Variants in ERBB4 observed in about 807,000 individuals in gnomAD.
ERBB4 encodes the protein erb-b2 receptor tyrosine kinase 4, also known as receptor tyrosine-protein kinase erbB-4.
A neutral mutation model predicts 158.0 loss-of-function variants in ERBB4; 42 were observed. The observed-to-expected ratio is 0.27, with a 90% CI of 0.21 to 0.34. The LOEUF is 0.34. ERBB4 is among the 10% of genes least tolerant of loss of function. The probability of loss-of-function intolerance (pLI) is 1.00; values close to 1 mark genes in which losing one functional copy is unlikely to be tolerated. For synonymous variants in ERBB4, 583 were observed against 558.7 expected (o/e 1.04, Z -0.61); for missense variants, 1,333 against 1,624.1 (o/e 0.82, Z 3.08).
At chr2:212,392,457 T>C (rs2090905931) in intron 1 of ERBB4, among the ~76,000 whole-genome samples, 2 of 152,124 alleles carry the variant, frequency 1.3e-5, no homozygotes, top group South Asian at 2.1e-4. Context: ...AGGAATTGTA[T>C]GTCTTAACTC....
At chr2:212,414,893 GTTAGACAT>G (rs1431651562) in intron 1 of ERBB4, among the ~76,000 whole-genome samples, 1 of 152,156 alleles carries the variant, frequency 6.6e-6, no homozygotes, top group Non-Finnish European at 1.5e-5. Context: ...TTTCTGTCTG[GTTAGACAT>G]TTGGCTTGAA....
chr2:212,484,088 T>G (rs1432311035), intron 1 of ERBB4, among the ~76,000 whole-genome samples: 1 of 152,210 alleles, frequency 6.6e-6, no homozygotes, highest in Admixed American at 6.5e-5. Flanking sequence ...GGTATTAATG[T>G]TCTTTTACAT....
intron 5 of ERBB4, among the ~76,000 whole-genome samples, chr2:211,726,870 A>G (rs533046156): frequency 2.0e-5 from 3 of 152,164 alleles, no homozygotes; most frequent in African/African-American, 7.2e-5. Flanking sequence ...CCATAAGTTG[A>G]CCACCATCTC....
chr2:212,320,920 G>A (rs4630706), intron 1 of ERBB4, among the ~76,000 whole-genome samples: 48,845 of 149,540 alleles, frequency 0.33, 10,670 homozygotes, highest in East Asian at 0.71. Context: ...GTAAGAAAAC[G>A]AAACAAAAGA....
At chr2:212,307,436 C>T (rs1349173073) in intron 1 of ERBB4, among the ~76,000 whole-genome samples, 3 of 150,368 alleles carry the variant, frequency 2.0e-5, no homozygotes, top group African/African-American at 7.3e-5. Context: ...CTTTGAATTG[C>T]ATAATAAAAT....
chr2:211,444,223 TA>T (rs1261727835), intron 20 of ERBB4, among the ~76,000 whole-genome samples: 1 of 95,724 alleles, frequency 1.0e-5, no homozygotes, highest in Non-Finnish European at 2.1e-5. Flanking sequence ...CTCATAGTAA[TA>T]TAATTAGGAA....
chr2:212,520,422 G>A (rs1692090714), intron 1 of ERBB4, among the ~76,000 whole-genome samples: 1 of 151,800 alleles, frequency 6.6e-6, no homozygotes, highest in African/African-American at 2.4e-5. Context: ...AAAAATTTCG[G>A]TAATTCAACT....
intron 16 of ERBB4, among the ~76,000 whole-genome samples, chr2:211,647,761 A>T (rs542171453): frequency 6.6e-6 from 1 of 151,830 alleles, no homozygotes; most frequent in East Asian, 1.9e-4. Flanking sequence ...ATTCACATTG[A>T]TAATACTAAA....
At chr2:211,615,012 G>T (rs2069333708) in intron 19 of ERBB4, among the ~76,000 whole-genome samples, 1 of 152,034 alleles carries the variant, frequency 6.6e-6, no homozygotes, top group Admixed American at 6.6e-5. Flanking sequence ...TCTCACTGTG[G>T]TAAATCTGGT....
intron 3 of ERBB4, among the ~76,000 whole-genome samples, chr2:211,942,814 C>T (rs551666818): frequency 2.6e-5 from 4 of 152,160 alleles, no homozygotes; most frequent in East Asian, 3.9e-4. Flanking sequence ...TCCCAAATAT[C>T]GCCTTCTCTA....
chr2:212,264,869 T>C (rs1355762291), intron 1 of ERBB4, among the ~76,000 whole-genome samples: 1 of 152,102 alleles, frequency 6.6e-6, no homozygotes, highest in Non-Finnish European at 1.5e-5. Context: ...TACAGGCTCA[T>C]TATAAAGTCA....
intron 1 of ERBB4, among the ~76,000 whole-genome samples, chr2:212,335,649 A>G (rs2088401039): frequency 6.6e-6 from 1 of 152,038 alleles, no homozygotes; most frequent in Non-Finnish European, 1.5e-5. Context: ...GTAGGAGACA[A>G]AGTAACCACA....
intron 3 of ERBB4, among the ~76,000 whole-genome samples, chr2:211,887,902 T>A (rs780949258): frequency 2.0e-5 from 3 of 152,214 alleles, no homozygotes; most frequent in African/African-American, 4.8e-5. Context: ...TTTTCAAATA[T>A]CTTCTACTTT....
At chr2:212,334,027 A>G (rs2088311513) in intron 1 of ERBB4, among the ~76,000 whole-genome samples, 1 of 152,104 alleles carries the variant, frequency 6.6e-6, no homozygotes, top group South Asian at 2.1e-4. Context: ...ACTTAAAATT[A>G]TACCATCTTT....
Position 211,377,230 on chromosome 2 carries a change from T to C in ERBB4, c.*6385A>G, listed in dbSNP as rs1444741140. On this transcript the variant is annotated 3_prime_UTR_variant, in exon 28 of 28. Coordinates refer to ENST00000342788, the MANE Select transcript of ERBB4 (RefSeq NM_005235.3). ...CTGGAAATGACATTTGAAAACCAGA[T>C]TCGTGTCAATATACAGGAGGTATGA... 8.6e-6 allele frequency: 2 copies of C among 232,988 alleles called. No individual in the cohort carries two copies. The highest frequency in any genetic ancestry group is 1.7e-5 in the Non-Finnish European group (2 of 117,652). The allele number at this position is 232,988 out of a possible 1,614,324, so 14.4% of individuals were successfully genotyped here. A position where few individuals can be genotyped will look rare whatever the true frequency, so the allele number is the denominator to read the frequency against.
intron 3 of ERBB4, among the ~76,000 whole-genome samples, chr2:211,939,706 G>A (rs184865242): frequency 1.4e-4 from 21 of 152,248 alleles, no homozygotes; most frequent in African/African-American, 5.1e-4. Flanking sequence ...CCAGCACTTC[G>A]GAAGGCCGAG....
At chr2:212,379,952 C>T (rs1207565480) in intron 1 of ERBB4, among the ~76,000 whole-genome samples, 1 of 151,452 alleles carries the variant, frequency 6.6e-6, no homozygotes, top group Admixed American at 6.6e-5. Flanking sequence ...CGCAAAGTCA[C>T]ACCTACCAGG....
intron 4 of ERBB4, among the ~76,000 whole-genome samples, chr2:211,786,260 T>C (rs7588431): frequency 0.59 from 89,040 of 151,910 alleles, 26,601 homozygotes; most frequent in Non-Finnish European, 0.62. Context: ...TGAGATTACC[T>C]CTGGGGAGAA....
chr2:211,709,280 C>CAT (rs1300215743), intron 9 of ERBB4, among the ~76,000 whole-genome samples: 51 of 124,432 alleles, frequency 4.1e-4, no homozygotes, highest in East Asian at 2.4e-3. Context: ...TATATACATA[C>CAT]ATATATATAT....
Sources: allele counts gnomAD v4.1 joint callset (sites outside exome capture counted in the v4.1 genomes callset), GRCh38; gene constraint gnomAD v4.1.1; transcripts MANE v1.5; gene names NCBI Gene and HGNC (gene_info 2026-07-23, HGNC 2026-07-21).